GRAMD1A: variants seen among roughly 807,000 people sequenced by gnomAD.
The protein encoded by GRAMD1A is GRAM domain containing 1A.
GRAMD1A carries 50 observed loss-of-function variants against 92.0 expected under a neutral mutation model. That is an observed-to-expected ratio of 0.54 (90% CI 0.43 to 0.69). GRAMD1A has a LOEUF of 0.69. GRAMD1A is among the 30% of genes least tolerant of loss of function. GRAMD1A has a pLI of 0.00. For missense variants in GRAMD1A, 819 were observed against 978.9 expected (o/e 0.84, Z 2.18); for synonymous variants, 405 against 403.6 (o/e 1.00, Z -0.04).
rs11084796 is a variant in GRAMD1A at position 35,009,736 on chromosome 19, T to G, written c.241-152T>G. 75,070 of 666,272 alleles carry G rather than the reference T, an allele frequency of 0.11. 4,844 individuals are homozygous for G. The highest frequency in any genetic ancestry group is 0.21 in the African/African-American group (11,871 of 55,630). The allele number at this position is 666,272 out of a possible 1,614,324, so 41.3% of individuals were successfully genotyped here. ...CGGGGCCCGGCTTACATAAGAAATCTGTAAATGGCAGCTGTCATTGTGGCT... is the reference window on the plus strand; with the variant it reads ...CGGGGCCCGGCTTACATAAGAAATCGGTAAATGGCAGCTGTCATTGTGGCT... On this transcript the variant is annotated intron_variant, in intron 3 of 19. Coordinates refer to ENST00000317991, the MANE Select transcript of GRAMD1A (RefSeq NM_020895.5).
intron 13 of GRAMD1A, among the ~76,000 whole-genome samples, chr19:35,020,658 C>CAA (rs56181450): frequency 0.027 from 3,074 of 112,048 alleles, 125 homozygotes; most frequent in African/African-American, 0.09. Flanking sequence ...GACCCTGTCT[C>CAA]AAAAAAAAAA....
At chr19:34,997,102 C>T (rs757735487), upstream of GRAMD1A, among the ~76,000 whole-genome samples, 2 of 151,696 alleles carry the variant, frequency 1.3e-5, no homozygotes, top group Admixed American at 6.6e-5. Context: ...TTAGTAGAGA[C>T]GAGGTCTGAC....
intron 7 of GRAMD1A, among the ~76,000 whole-genome samples, chr19:35,012,349 G>T (rs2015302238): frequency 1.3e-5 from 2 of 150,700 alleles, no homozygotes; most frequent in Non-Finnish European, 3.0e-5. Context: ...CTACTTTCCA[G>T]ATGGTTTTGA....
At chr19:35,005,083 A>G (rs1168014542) in intron 1 of GRAMD1A, among the ~76,000 whole-genome samples, 1 of 150,804 alleles carries the variant, frequency 6.6e-6, no homozygotes, top group East Asian at 2.0e-4. Context: ...CCCAAGTTCT[A>G]TGGGGGGCGG....
Position 35,025,995 on chromosome 19 carries a change from T to C in GRAMD1A, c.2083-54T>C, listed in dbSNP as rs564469186. ...AATGGCAAGGTGGGGGTGGGCGACA[T>C]CACCCCCCAGCCTCCAGCGTTCACC... On this transcript the variant is annotated intron_variant, in intron 19 of 19. Coordinates refer to ENST00000317991, the MANE Select transcript of GRAMD1A (RefSeq NM_020895.5). 1.6e-5 allele frequency: 14 copies of C among 897,342 alleles called. No individual in the cohort carries two copies. In the Admixed American group the frequency reaches 2.2e-4, roughly 14 times the overall value. 55.6% of individuals were successfully genotyped at this position (897,342 alleles called of 1,614,324 possible).
intron 13 of GRAMD1A, among the ~76,000 whole-genome samples, chr19:35,019,861 A>C (rs1191744835): frequency 6.6e-6 from 1 of 152,232 alleles, no homozygotes; most frequent in Non-Finnish European, 1.5e-5. Flanking sequence ...ATTCACTGGC[A>C]GTTAGGCCTA....
intron 11 of GRAMD1A, among the ~76,000 whole-genome samples, chr19:35,017,036 A>G (rs1014211039): frequency 2.6e-5 from 4 of 151,686 alleles, no homozygotes; most frequent in African/African-American, 4.8e-5. Flanking sequence ...TTAGCTGAGC[A>G]TGATGCTGCC....
Position 35,012,179 on chromosome 19 carries a change from G to A in GRAMD1A, c.606+625G>A, listed in dbSNP as rs575129777. Among the ~76,000 whole-genome samples the A allele has an allele frequency of 2.6e-5, 4 of 152,340 alleles. No homozygotes were observed. In the South Asian group the frequency reaches 8.3e-4, roughly 32 times the overall value. ...AGTCATGTCAGCTCTTATGAGCAGA[G>A]TAGCCCAGCGGTTAGCTCCCTCGCC... On this transcript the variant is annotated intron_variant, in intron 7 of 19. Coordinates refer to ENST00000317991, the MANE Select transcript of GRAMD1A (RefSeq NM_020895.5).
At chr19:35,020,872 T>C (rs1004317175) in intron 13 of GRAMD1A, among the ~76,000 whole-genome samples, 2 of 152,070 alleles carry the variant, frequency 1.3e-5, no homozygotes, top group Admixed American at 1.3e-4. Context: ...AGGAGGCTGC[T>C]GGGACATCCA....
At chr19:35,010,972 C>T (rs570107747) in intron 6 of GRAMD1A, among the ~76,000 whole-genome samples, 2 of 152,000 alleles carry the variant, frequency 1.3e-5, no homozygotes, top group South Asian at 4.2e-4. Flanking sequence ...GTGGCACGCA[C>T]CTGTAGTCCC....
At chr19:35,008,516 C>A (rs1310422367) in intron 1 of GRAMD1A, among the ~76,000 whole-genome samples, 1 of 151,304 alleles carries the variant, frequency 6.6e-6, no homozygotes, top group Non-Finnish European at 1.5e-5. Context: ...TTAGGAAGAC[C>A]CCGTCTCAAA....
chr19:35,009,713 G>A, intron 3 of GRAMD1A, 175 bp from the exon 4 acceptor site: 1 of 643,666 alleles, frequency 1.6e-6, no homozygotes, highest in Non-Finnish European at 2.8e-6. Flanking sequence ...GCTTGGTACG[G>A]GGCCCGGCTT....
chr19:35,025,158 G>T (rs2016342382), intron 19 of GRAMD1A: 1 of 152,028 alleles, frequency 6.6e-6, no homozygotes, highest in South Asian at 2.1e-4. Context: ...TCACAGATTG[G>T]TGCTCACAGT....
At position 35,015,821 on chromosome 19, in the gene GRAMD1A, C is replaced by T; in HGVS notation, c.1070-3C>T. 2 of 1,613,328 alleles carry T rather than the reference C, an allele frequency of 1.2e-6. No individual in the cohort carries two copies. The highest frequency in any genetic ancestry group is 1.7e-6 in the Non-Finnish European group (2 of 1,179,618). ...ATCATCCTCGGCTCTCCTCTGTCTC[C>T]AGCGGACTTGGCTGCCCTGCTTCCC... is the stretch of plus-strand genomic sequence containing the variant. On this transcript the variant is annotated splice_region_variant and splice_polypyrimidine_tract_variant and intron_variant, in intron 10 of 19. Transcript: ENST00000317991.
intron 16 of GRAMD1A, 48 bp from the exon 17 acceptor site, chr19:35,022,852 G>T: frequency 6.3e-7 from 1 of 1,588,388 alleles, no homozygotes; most frequent in Non-Finnish European, 8.6e-7. Flanking sequence ...TCGGGGGCAG[G>T]CCAGGCGGCG....
At chr19:35,009,590 G>A (rs1441257173) in intron 3 of GRAMD1A, 147 bp downstream of exon 3, 9 of 844,944 alleles carry the variant, frequency 1.1e-5, no homozygotes, top group Non-Finnish European at 1.6e-5. Context: ...TTTATGTGCT[G>A]TGTGACCTTG....
Position 35,011,305 on chromosome 19 carries a change from G to A in GRAMD1A, c.526-169G>A, listed in dbSNP as rs559066340. ...CCCAGTGATTCTGGAATTGTCCAGG[G>A]CAGGGCCGGGCGCAGGACAGACGTT... On this transcript the variant is annotated intron_variant, in intron 6 of 19. Coordinates refer to ENST00000317991, the MANE Select transcript of GRAMD1A (RefSeq NM_020895.5). 1.3e-4 allele frequency among the ~76,000 whole-genome samples: 20 copies of A among 152,284 alleles called. No individual in the cohort carries two copies. In the East Asian group the frequency reaches 3.9e-3, roughly 29 times the overall value.
In GRAMD1A at chr19:35,000,511, A is replaced by C. The variant is rs2014274894; in HGVS notation, c.8+25A>C. On this transcript the variant is annotated intron_variant, in intron 1 of 19. Transcript: ENST00000317991. This position sits in a 1 kb window ranked among gnomAD's most constrained non-coding sequence, Gnocchi z 4.9. ...AGTAAGGACCGGGCGACTAGAGCTCAGGGACCGGGCGCGCGGGGGAGGCCA... is the reference window on the plus strand; with the variant it reads ...AGTAAGGACCGGGCGACTAGAGCTCCGGGACCGGGCGCGCGGGGGAGGCCA... 8.0e-7 allele frequency: 1 copy of C among 1,256,986 alleles called. No homozygotes were observed. The allele number at this position is 1,256,986 out of a possible 1,614,324, so 77.9% of individuals were successfully genotyped here. A position where few individuals can be genotyped will look rare whatever the true frequency, so the allele number is the denominator to read the frequency against.
upstream of GRAMD1A, among the ~76,000 whole-genome samples, chr19:34,997,823 T>C (rs1440396788): frequency 2.6e-5 from 4 of 151,878 alleles, no homozygotes; most frequent in East Asian, 1.9e-4. Flanking sequence ...TCCCAGCACT[T>C]TGGGAGGCCG....
Sources: gnomAD v4.1 joint callset for allele counts (sites outside exome capture counted in the v4.1 genomes callset) on GRCh38, gnomAD v4.1.1 for gene constraint, Gnocchi (gnomAD v3.1) non-coding constraint, MANE v1.5 for transcripts, NCBI Gene and HGNC (gene_info 2026-07-23, HGNC 2026-07-21) for gene names.